Variants in ALPK2 observed in about 807,000 individuals in gnomAD.
ALPK2 encodes the protein alpha-protein kinase 2.
A neutral mutation model predicts 163.1 loss-of-function variants in ALPK2; 127 were observed. The ratio of observed to expected loss-of-function variants is 0.78; its 90% CI spans 0.67 to 0.90. The LOEUF is 0.90. Among genes scored for constraint, ALPK2 ranks in the 40% least tolerant of loss-of-function variants. The probability of loss-of-function intolerance (pLI) is 0.00; values close to 1 mark genes in which losing one functional copy is unlikely to be tolerated. For missense variants in ALPK2, 2,360 were observed against 2,589.6 expected, an observed-to-expected ratio of 0.91 and a Z score of 1.92; for synonymous variants, 953 against 959.1, an observed-to-expected ratio of 0.99 and a Z score of 0.12.
chr18:58,602,825 G>A (rs537436971), intron 3 of ALPK2, among the ~76,000 whole-genome samples: 7 of 152,070 alleles, frequency 4.6e-5, no homozygotes, highest in Non-Finnish European at 7.4e-5. Flanking sequence ...AGAAGTAGCC[G>A]AAGCCCACGA....
At chr18:58,484,361 T>G (rs2051327897) in intron 12 of ALPK2, among the ~76,000 whole-genome samples, 1 of 152,130 alleles carries the variant, frequency 6.6e-6, no homozygotes, top group African/African-American at 2.4e-5. Context: ...TGTTGTCCAG[T>G]GAAGAAGACA....
At chr18:58,620,741 C>T (rs1374048486) in intron 1 of ALPK2, among the ~76,000 whole-genome samples, 1 of 152,228 alleles carries the variant, frequency 6.6e-6, no homozygotes, top group Non-Finnish European at 1.5e-5. Flanking sequence ...TGAGCCCCTA[C>T]TAAATTCACT....
chr18:58,531,640 G>A (rs1234162901), intron 5 of ALPK2, among the ~76,000 whole-genome samples: 3 of 96,710 alleles, frequency 3.1e-5, no homozygotes, highest in Admixed American at 1.6e-4. Context: ...ACTAGAAGGT[G>A]ATAAGTTGAA....
At position 58,564,123 on chromosome 18, in the gene ALPK2, C is replaced by CTTTTTTCTT. The variant is rs2051838641; in HGVS notation, c.1962+14690_1962+14691insAAGAAAAAA. Reference sequence around the variant, plus strand: ...GAATTGCGTATTTGATGTCTTTGTTCTTTTTTTTTTTTTTTTGAGATGGAG... The same window carrying CTTTTTTCTT: ...GAATTGCGTATTTGATGTCTTTGTTCTTTTTTCTTTTTTTTTTTTTTTTTTGAGATGGAG... On this transcript the variant is annotated intron_variant, in intron 4 of 12. Coordinates refer to ENST00000361673, the MANE Select transcript of ALPK2 (RefSeq NM_052947.4). 2.0e-5 allele frequency among the ~76,000 whole-genome samples: 2 copies of CTTTTTTCTT among 102,490 alleles called. 1 individual carries two copies. Among genetic ancestry groups the CTTTTTTCTT allele is most frequent in the African/African-American group, 8.3e-5 (2 of 24,180 alleles). The allele number at this position is 102,490 out of a possible 152,430, so 67.2% of individuals were successfully genotyped here.
At chr18:58,604,369 G>A (rs1383012876) in intron 3 of ALPK2, among the ~76,000 whole-genome samples, 2 of 152,130 alleles carry the variant, frequency 1.3e-5, no homozygotes, top group Non-Finnish European at 2.9e-5. Flanking sequence ...TTCCTCACCA[G>A]CATTTAACAT....
chr18:58,579,697 T>C lies in ALPK2; in HGVS notation c.1079A>G (p.Asp360Gly), dbSNP rs755900353. Residue 360 changes from aspartate (D) to glycine (G), a missense_variant, in exon 4 of 13, where the codon GAT becomes GGT. Asp to Gly is a moderately conservative substitution (Grantham distance 94). Coordinates refer to ENST00000361673, the MANE Select transcript of ALPK2 (RefSeq NM_052947.4). ...CTCACCGAATTCCATCTCTTCGTCA[T>C]CGCTTTCTAATAAAAAAACATGCTC... ...GTEHVFLLES[D>G]DEEMEFGEHC... is the part of the protein sequence containing the mutation. The C allele has an allele frequency of 6.2e-7, 1 of 1,614,130 alleles. No individual in the cohort carries two copies. The highest frequency in any genetic ancestry group is 1.1e-5 in the South Asian group (1 of 91,074).
chr18:58,601,056 G>A (rs1282910371), intron 3 of ALPK2, among the ~76,000 whole-genome samples: 1 of 152,220 alleles, frequency 6.6e-6, no homozygotes, highest in East Asian at 1.9e-4. Flanking sequence ...AGGAGTTCGA[G>A]ACCAGCCTGG....
intron 1 of ALPK2, among the ~76,000 whole-genome samples, chr18:58,620,852 T>C (rs1011570105): frequency 1.3e-5 from 2 of 152,074 alleles, no homozygotes; most frequent in African/African-American, 4.8e-5. Context: ...AACAACAATA[T>C]ACATTTAAAA....
intron 3 of ALPK2, among the ~76,000 whole-genome samples, chr18:58,601,537 G>A (rs1446631550): frequency 6.6e-6 from 1 of 152,162 alleles, no homozygotes; most frequent in African/African-American, 2.4e-5. Context: ...ATGATATTGG[G>A]TGGAACTCAT....
chr18:58,515,631 A>G (rs1214523053), intron 9 of ALPK2, among the ~76,000 whole-genome samples: 2 of 152,196 alleles, frequency 1.3e-5, no homozygotes, highest in Non-Finnish European at 1.5e-5. Flanking sequence ...CTGAGAGAGA[A>G]AAGAAAAAAG....
chr18:58,503,043 A>G lies in ALPK2; in HGVS notation c.6247+888T>C, dbSNP rs117974541. 8.4e-3 allele frequency among the ~76,000 whole-genome samples: 1,272 copies of G among 152,232 alleles called. 20 individuals carry two copies. Among genetic ancestry groups the G allele is most frequent in the Non-Finnish European group, 8.4e-3 (573 of 68,014 alleles). On this transcript the variant is annotated intron_variant, in intron 11 of 12. Coordinates refer to ENST00000361673, the MANE Select transcript of ALPK2 (RefSeq NM_052947.4). Reference sequence around the variant, plus strand: ...CCCAGTTGCACTTCCCTACTCCTCTACTGGCGTTTCCTGGGATCCCCTCTC... The same window carrying G: ...CCCAGTTGCACTTCCCTACTCCTCTGCTGGCGTTTCCTGGGATCCCCTCTC...
Position 58,537,110 on chromosome 18 carries a change from G to T in ALPK2, c.3077C>A (p.Ser1026Ter). Reference protein sequence around the residue: ...EVHPAKYLAVSIPEDKHAGGT... With the variant: ...EVHPAKYLAV Reference sequence around the variant, plus strand: ...ACCTGCATGCTTGTCCTCAGGAATTGACACAGCAAGGTATTTGGCTGGGTG... The same window carrying T: ...ACCTGCATGCTTGTCCTCAGGAATTTACACAGCAAGGTATTTGGCTGGGTG... The change falls in exon 5 of 13, where the codon TCA (serine) becomes TAA (stop). Residue 1026 changes from serine to a stop codon, truncating the protein, a stop_gained. Transcript: ENST00000361673. LOFTEE classifies it high-confidence loss of function. The T allele has an allele frequency of 6.2e-7, 1 of 1,614,138 alleles. No homozygotes were observed. Among genetic ancestry groups the T allele is most frequent in the South Asian group, 1.1e-5 (1 of 91,060 alleles).
rs78226890 is a variant in ALPK2 at position 58,616,050 on chromosome 18, T to C, written c.-20-4233A>G. 4.3e-3 allele frequency among the ~76,000 whole-genome samples: 656 copies of C among 152,332 alleles called. 5 individuals are homozygous for C. Among genetic ancestry groups the C allele is most frequent in the African/African-American group, 0.015 (604 of 41,570 alleles). On this transcript the variant is annotated intron_variant, in intron 1 of 12. Transcript: ENST00000361673. ...ACCCTTGATGACAGATTTATCATTCTCTGCTAGAGATGAACAATCAATATT... is the reference window on the plus strand; with the variant it reads ...ACCCTTGATGACAGATTTATCATTCCCTGCTAGAGATGAACAATCAATATT...
chr18:58,525,761 G>A (rs933473161), intron 6 of ALPK2, among the ~76,000 whole-genome samples: 9 of 152,224 alleles, frequency 5.9e-5, no homozygotes, highest in Admixed American at 1.3e-4. Context: ...TCATGACACC[G>A]GCGTGTGAAG....
chr18:58,607,173 G>T, intron 3 of ALPK2, 149 bp downstream of exon 3: 2 of 531,186 alleles, frequency 3.8e-6, no homozygotes, highest in Non-Finnish European at 6.6e-6. Context: ...ATCATTGCTG[G>T]GTGCTTTGGC....
chr18:58,497,532 C>A (rs1602186398), intron 12 of ALPK2, among the ~76,000 whole-genome samples: 1 of 152,324 alleles, frequency 6.6e-6, no homozygotes, highest in African/African-American at 2.4e-5. Flanking sequence ...AAGCCATCAT[C>A]AAAAACAGGT....
intron 4 of ALPK2, among the ~76,000 whole-genome samples, chr18:58,555,367 G>C (rs78533724): frequency 6.6e-6 from 1 of 152,092 alleles, no homozygotes; most frequent in African/African-American, 2.4e-5. Flanking sequence ...TCATATCTAG[G>C]TACCCACAAT....
chr18:58,574,812 G>A (rs897174271), intron 4 of ALPK2, among the ~76,000 whole-genome samples: 10 of 152,160 alleles, frequency 6.6e-5, no homozygotes, highest in African/African-American at 1.9e-4. Context: ...TAGGAAGCAC[G>A]TCCTATTAGC....
intron 3 of ALPK2, among the ~76,000 whole-genome samples, chr18:58,585,892 C>T (rs190568864): frequency 1.1e-4 from 16 of 152,242 alleles, no homozygotes; most frequent in Non-Finnish European, 1.3e-4. Context: ...CCATGTTGGC[C>T]AGGCTGGTCT....
Sources: gnomAD v4.1 joint callset for allele counts (sites outside exome capture counted in the v4.1 genomes callset) on GRCh38, gnomAD v4.1.1 for gene constraint, MANE v1.5 for transcripts, NCBI Gene and HGNC (gene_info 2026-07-23, HGNC 2026-07-21) for gene names.